SRBD1: variants seen among roughly 807,000 people sequenced by gnomAD.
SRBD1 encodes the protein S1 RNA binding domain 1.
In SRBD1, 88 loss-of-function variants were observed where a neutral mutation model predicts 115.3. That is an observed-to-expected ratio of 0.76 (90% CI 0.64 to 0.91). SRBD1 has a LOEUF of 0.91. Among genes scored for constraint, SRBD1 ranks in the 40% least tolerant of loss-of-function variants. SRBD1 has a pLI of 0.00. For missense variants in SRBD1, 1,385 were observed against 1,177.4 expected, an observed-to-expected ratio of 1.18 and a Z score of -2.58; for synonymous variants, 509 against 407.7, an observed-to-expected ratio of 1.25 and a Z score of -2.99.
chr2:45,547,635 G>C, intron 12 of SRBD1, 23 bp from the exon 13 acceptor site: 1 of 1,575,100 alleles, frequency 6.3e-7, no homozygotes, highest in Non-Finnish European at 8.6e-7. Flanking sequence ...AAAAGAATAA[G>C]CCATTTTATA....
At chr2:45,392,194 C>T (rs1421320108) in intron 20 of SRBD1, among the ~76,000 whole-genome samples, 1 of 152,120 alleles carries the variant, frequency 6.6e-6, no homozygotes, top group Non-Finnish European at 1.5e-5. Flanking sequence ...TTCAAAACTC[C>T]TTTAAACCTT....
intron 6 of SRBD1, among the ~76,000 whole-genome samples, chr2:45,580,458 G>C (rs911241658): frequency 1.4e-5 from 2 of 147,706 alleles, no homozygotes; most frequent in African/African-American, 5.0e-5. Context: ...TGATTCTCTT[G>C]CCTCAGTCTC....
At chr2:45,441,660 C>G (rs887189788) in intron 16 of SRBD1, among the ~76,000 whole-genome samples, 2 of 152,154 alleles carry the variant, frequency 1.3e-5, no homozygotes, top group Non-Finnish European at 2.9e-5. Flanking sequence ...AACAGTTCGG[C>G]TTTTGGATTC....
chr2:45,513,380 T>G, intron 14 of SRBD1, among the ~76,000 whole-genome samples: 1 of 150,986 alleles, frequency 6.6e-6, no homozygotes, highest in South Asian at 2.1e-4. Context: ...AAGGGCTAGA[T>G]TACAAGCTGA....
At chr2:45,462,907 A>AACG (rs796666864) in intron 16 of SRBD1, among the ~76,000 whole-genome samples, 172 of 149,394 alleles carry the variant, frequency 1.2e-3, no homozygotes, top group African/African-American at 3.8e-3. Flanking sequence ...AGTTGTTCAA[A>AACG]ACGACAACAC....
intron 16 of SRBD1, among the ~76,000 whole-genome samples, chr2:45,438,884 T>A (rs903769476): frequency 2.0e-5 from 3 of 152,086 alleles, no homozygotes; most frequent in African/African-American, 7.2e-5. Context: ...AGAAGCTCAG[T>A]GAACCCTAAG....
At chr2:45,444,348 T>G (rs1448898065) in intron 16 of SRBD1, among the ~76,000 whole-genome samples, 1 of 152,186 alleles carries the variant, frequency 6.6e-6, no homozygotes, top group Non-Finnish European at 1.5e-5. Context: ...GAGATAACAA[T>G]AACAAGCTTA....
chr2:45,404,391 G>C (rs1252527484), intron 19 of SRBD1, among the ~76,000 whole-genome samples: 1 of 152,094 alleles, frequency 6.6e-6, no homozygotes, highest in East Asian at 1.9e-4. Context: ...ATCACTATGG[G>C]AGTAATCACT....
chr2:45,567,150 AT>A (rs1157969482), intron 9 of SRBD1, among the ~76,000 whole-genome samples: 9 of 152,170 alleles, frequency 5.9e-5, no homozygotes, highest in African/African-American at 2.2e-4. Context: ...TAAAACGCGT[AT>A]TTTTTTGTAA....
chr2:45,462,525 C>G (rs957150606), intron 16 of SRBD1, among the ~76,000 whole-genome samples: 1 of 151,920 alleles, frequency 6.6e-6, no homozygotes, highest in Non-Finnish European at 1.5e-5. Flanking sequence ...TTTAATAATA[C>G]AGTACAATAA....
At chr2:45,426,376 T>A (rs1473244028) in intron 16 of SRBD1, among the ~76,000 whole-genome samples, 2 of 152,136 alleles carry the variant, frequency 1.3e-5, no homozygotes, top group Admixed American at 1.3e-4. Flanking sequence ...AAAACTCCCA[T>A]CTCCCTGGGA....
chr2:45,476,852 C>G, intron 16 of SRBD1, 141 bp downstream of exon 16: 1 of 676,922 alleles, frequency 1.5e-6, no homozygotes, highest in Non-Finnish European at 2.5e-6. Context: ...TCCCTGATGA[C>G]TTAAAACTCC....
chr2:45,416,937 C>T (rs1349161944), intron 18 of SRBD1, among the ~76,000 whole-genome samples: 2 of 152,120 alleles, frequency 1.3e-5, no homozygotes, highest in African/African-American at 4.8e-5. Context: ...CACCACCATG[C>T]TCAGCTAATT....
At chr2:45,567,538 G>A (rs553768372) in intron 9 of SRBD1, among the ~76,000 whole-genome samples, 2 of 152,180 alleles carry the variant, frequency 1.3e-5, no homozygotes, top group African/African-American at 4.8e-5. Flanking sequence ...CAGCCCGCAA[G>A]GCGAAACTTG....
At chr2:45,459,015 T>C (rs181314458) in intron 16 of SRBD1, among the ~76,000 whole-genome samples, 1 of 152,228 alleles carries the variant, frequency 6.6e-6, no homozygotes, top group Admixed American at 6.5e-5. Context: ...AAACAGCTGT[T>C]TCTTATTGCC....
At chr2:45,450,024 T>C (rs984295877) in intron 16 of SRBD1, among the ~76,000 whole-genome samples, 12 of 152,110 alleles carry the variant, frequency 7.9e-5, no homozygotes, top group African/African-American at 2.9e-4. Context: ...ATAACACCAA[T>C]AATGCCCAAA....
At chr2:45,605,634 T>A (rs1180525959) in intron 1 of SRBD1, among the ~76,000 whole-genome samples, 193 bp from the exon 2 acceptor site, 1 of 152,198 alleles carries the variant, frequency 6.6e-6, no homozygotes, top group Non-Finnish European at 1.5e-5. Context: ...CTGGGCACCA[T>A]GGCTCATGCC....
chr2:45,504,956 G>A (rs1670753332), intron 14 of SRBD1, among the ~76,000 whole-genome samples: 1 of 152,094 alleles, frequency 6.6e-6, no homozygotes, highest in Non-Finnish European at 1.5e-5. Flanking sequence ...ATTATCTAGT[G>A]AAGTCCAGAA....
At chr2:45,418,077 C>T (rs1558378815) in intron 18 of SRBD1, among the ~76,000 whole-genome samples, 2 of 152,110 alleles carry the variant, frequency 1.3e-5, no homozygotes, top group South Asian at 2.1e-4. Context: ...GTCACATATC[C>T]CTGCTTTAAT....
Sources: allele counts gnomAD v4.1 joint callset (sites outside exome capture counted in the v4.1 genomes callset), GRCh38; gene constraint gnomAD v4.1.1; transcripts MANE v1.5; gene names NCBI Gene and HGNC (gene_info 2026-07-23, HGNC 2026-07-21).